The following RPAP1 variants were observed in gnomAD, a reference collection of about 807,000 sequenced individuals.
The protein encoded by RPAP1 is RNA polymerase II associated protein 1.
RPAP1 carries 109 observed loss-of-function variants against 142.4 expected under a neutral mutation model. The ratio of observed to expected loss-of-function variants is 0.77; its 90% CI spans 0.66 to 0.90. The LOEUF (loss-of-function observed/expected upper bound fraction) is 0.90, where lower values mean the gene tolerates loss of function less well. RPAP1 is among the 40% of genes least tolerant of loss of function. The pLI is 0.00. For missense variants in RPAP1, 1,546 were observed against 1,751.7 expected (o/e 0.88, Z 2.10); for synonymous variants, 704 against 738.9 (o/e 0.95, Z 0.77).
chr15:41,541,767 A>G (rs1481222676), intron 1 of RPAP1, among the ~76,000 whole-genome samples: 1 of 152,190 alleles, frequency 6.6e-6, no homozygotes, highest in African/African-American at 2.4e-5. Flanking sequence ...GAATGGCGTG[A>G]ACCCGGGAAG....
At chr15:41,531,628 T>TATATACATATATATATATATA (rs1221224553) in intron 6 of RPAP1, among the ~76,000 whole-genome samples, 1 of 20,536 alleles carries the variant, frequency 4.9e-5, no homozygotes, top group African/African-American at 1.7e-4. Context: ...TATATATATA[T>TATATACATATATATATATATA]TTTTTTTTTT....
At chr15:41,533,147 C>T (rs2051871656) in intron 6 of RPAP1, among the ~76,000 whole-genome samples, 1 of 152,064 alleles carries the variant, frequency 6.6e-6, no homozygotes. Context: ...CCACCTACCT[C>T]ACAGGACAAG....
rs962257207 is a variant in RPAP1 at position 41,527,867 on chromosome 15, C to A, written c.1421G>T (p.Gly474Val). The change falls in exon 11 of 25, where the codon GGA (glycine) becomes GTA (valine). Residue 474 changes from glycine to valine, a missense_variant. This residue lies in a region of RPAP1 where 1,333 missense variants were observed against 1,486.6 expected (regional missense o/e 0.90). Coordinates refer to ENST00000304330, the MANE Select transcript of RPAP1 (RefSeq NM_015540.4). ...TTCCTATCCCTGTGGTACCTCATCTCCAGGAGCCACCAGCAGAGCCCGAAG... is the reference window on the plus strand; with the variant it reads ...TTCCTATCCCTGTGGTACCTCATCTACAGGAGCCACCAGCAGAGCCCGAAG... The part of the protein sequence containing the change: ...RALRALLVAP[G>V]DEELLDSTFS... 19 of 1,613,936 alleles carry A rather than the reference C, an allele frequency of 1.2e-5. No homozygotes were observed.
At position 41,536,993 on chromosome 15, in the gene RPAP1, A is replaced by G; in HGVS notation, c.133T>C (p.Ser45Pro). The change falls in exon 2 of 25, where the codon TCA becomes CCA. Residue 45 changes from serine (S) to proline (P), a missense_variant. Coordinates refer to ENST00000304330, the MANE Select transcript of RPAP1 (RefSeq NM_015540.4). ...KGNRGGGDAN[S>P]DRPPLQDHRD... Reference sequence around the variant, plus strand: ...TGGTCCTGGAGCGGAGGCCGGTCTGAGTTGGCATCACCACCGCCCCTATTT... The same window carrying G: ...TGGTCCTGGAGCGGAGGCCGGTCTGGGTTGGCATCACCACCGCCCCTATTT... 1 of 1,614,056 alleles carries G rather than the reference A, an allele frequency of 6.2e-7. No individual in the cohort carries two copies.
intron 17 of RPAP1, among the ~76,000 whole-genome samples, 174 bp from the exon 18 acceptor site, chr15:41,523,528 G>C (rs2051754318): frequency 6.6e-6 from 1 of 152,232 alleles, no homozygotes. Flanking sequence ...GCATAAAGAG[G>C]GAGCACACAG....
chr15:41,527,976 G>C lies in RPAP1; in HGVS notation c.1312C>G (p.Leu438Val), dbSNP rs765933150. The C allele has an allele frequency of 6.2e-7, 1 of 1,613,982 alleles. No homozygotes were observed. The highest frequency in any genetic ancestry group is 1.3e-5 in the African/African-American group (1 of 74,940). ...AGGAAGAGGAAACCAGCATCCAAAA[G>C]GAGGCTTAAGACACTGCCTGCTAGC... is the stretch of plus-strand genomic sequence containing the variant. The part of the protein sequence containing the change: ...DRLAGSVLSL[L>V]LDAGFLFLLR... Residue 438 changes from leucine to valine, a missense_variant, in exon 11 of 25, where the codon CTT becomes GTT. Physicochemically the swap from Leu to Val is conservative, Grantham distance 32 (BLOSUM62 1). This residue lies in a region of RPAP1 where 1,333 missense variants were observed against 1,486.6 expected (regional missense o/e 0.90). Coordinates refer to ENST00000304330, the MANE Select transcript of RPAP1 (RefSeq NM_015540.4).
At chr15:41,518,349 G>C (rs898163480) in intron 22 of RPAP1, 167 bp from the exon 23 acceptor site, 2 of 559,006 alleles carry the variant, frequency 3.6e-6, no homozygotes, top group Admixed American at 7.5e-5. Context: ...CTACAGAGCA[G>C]ATGTTGGGGA....
chr15:41,519,383 A>G (rs769426626), intron 22 of RPAP1, among the ~76,000 whole-genome samples: 5 of 148,436 alleles, frequency 3.4e-5, no homozygotes, highest in Non-Finnish European at 6.0e-5. Flanking sequence ...AATTTTTTGT[A>G]TTTTTTTTTA....
intron 18 of RPAP1, 114 bp from the exon 19 acceptor site, chr15:41,523,074 G>T: frequency 9.9e-7 from 1 of 1,007,432 alleles, no homozygotes; most frequent in Non-Finnish European, 1.4e-6. Context: ...GGAGGTCAGT[G>T]CTGCTCACAC....
chr15:41,537,078 G>C lies in RPAP1; in HGVS notation c.48C>G (p.His16Gln). 3 of 1,614,176 alleles carry C rather than the reference G, an allele frequency of 1.9e-6. No individual in the cohort carries two copies. The highest frequency in any genetic ancestry group is 2.5e-6 in the Non-Finnish European group (3 of 1,180,026). Reference sequence around the variant, plus strand: ...CAGCTGCGAGAAACTGACTCTGGAAGTGCAGCAGGTCCACCTCGGACTCCC... The same window carrying C: ...CAGCTGCGAGAAACTGACTCTGGAACTGCAGCAGGTCCACCTCGGACTCCC... ...KPGESEVDLL[H>Q]FQSQFLAAGA... Residue 16 changes from histidine (H) to glutamine (Q), a missense_variant, in exon 2 of 25, where the codon CAC (histidine) becomes CAG (glutamine). His to Gln is a conservative substitution (Grantham distance 24). Transcript: ENST00000304330.
Position 41,527,020 on chromosome 15 carries a change from G to C in RPAP1, c.1795C>G (p.Pro599Ala), listed in dbSNP as rs2051798850. ...GCCCCCACAGGAGACCAACTGGTGG[G>C]CAAGAACTCTCGAACTATAGTCTCT... ...LIETIVREFLPTSWSPVGAGP... is the reference protein window; with the variant it reads ...LIETIVREFLATSWSPVGAGP... Residue 599 changes from proline (P) to alanine (A), a missense_variant, in exon 14 of 25, where the codon CCC becomes GCC. Physicochemically the swap from Pro to Ala is conservative, Grantham distance 27. This residue lies in a region of RPAP1 where 1,333 missense variants were observed against 1,486.6 expected (regional missense o/e 0.90). Coordinates refer to ENST00000304330, the MANE Select transcript of RPAP1 (RefSeq NM_015540.4). The C allele has an allele frequency of 6.2e-7, 1 of 1,614,236 alleles. No homozygotes were observed.
intron 2 of RPAP1, 119 bp downstream of exon 2, chr15:41,536,826 A>C: frequency 2.2e-6 from 3 of 1,395,264 alleles, no homozygotes; most frequent in Non-Finnish European, 2.0e-6. Flanking sequence ...CTGCAGAAAC[A>C]CAGGCTATGC....
intron 7 of RPAP1, among the ~76,000 whole-genome samples, chr15:41,530,615 T>C (rs1056990500): frequency 2.0e-5 from 3 of 152,224 alleles, no homozygotes; most frequent in African/African-American, 7.2e-5. Flanking sequence ...ATAAGATCTT[T>C]GTCAGATTCT....
chr15:41,529,643 C>T (rs966619757), intron 8 of RPAP1, 75 bp from the exon 9 acceptor site: 30 of 1,139,514 alleles, frequency 2.6e-5, no homozygotes, highest in Non-Finnish European at 3.9e-5. Context: ...ACCTTTAATC[C>T]CAGGCCTTTC....
chr15:41,528,969 G>A (rs1042126655), intron 9 of RPAP1, among the ~76,000 whole-genome samples: 2 of 152,138 alleles, frequency 1.3e-5, no homozygotes, highest in African/African-American at 2.4e-5. Context: ...CAAGGCCACA[G>A]TGCAGGAGGC....
chr15:41,540,220 T>C (rs1166791182), intron 1 of RPAP1, among the ~76,000 whole-genome samples: 1 of 152,160 alleles, frequency 6.6e-6, no homozygotes, highest in Non-Finnish European at 1.5e-5. Context: ...GAGCACTTAG[T>C]ATGCACCACA....
rs765586157 is a variant in RPAP1 at position 41,520,656 on chromosome 15, T to A, written c.3530A>T (p.His1177Leu). 5 of 1,614,026 alleles carry A rather than the reference T, an allele frequency of 3.1e-6. No individual in the cohort carries two copies. In the African/African-American group the frequency reaches 5.3e-5, roughly 17 times the overall value. The change falls in exon 22 of 25, where the codon CAT becomes CTT. Residue 1177 changes from histidine (H) to leucine (L), a missense_variant. This residue lies in a region of RPAP1 where 1,333 missense variants were observed against 1,486.6 expected (regional missense o/e 0.90). Transcript: ENST00000304330. ...SELFRESPVQ[H>L]LVAALLAQLC... ...CTGGGCGAGGAGGGCTGCCACCAGA[T>A]GCTGTACTGGGGACTCCCGGAACAG...
chr15:41,525,697 C>T (rs942182438), intron 14 of RPAP1, among the ~76,000 whole-genome samples: 1 of 151,714 alleles, frequency 6.6e-6, no homozygotes, highest in African/African-American at 2.4e-5. Context: ...CTCTGTCGCC[C>T]AGGCTGGAGT....
chr15:41,517,552 G>C lies in RPAP1; in HGVS notation c.4172C>G (p.Ser1391Ter). ...TCTATATCAACTATCCTAGGTCTCTGATACCCCATTTTGGAGCACTGTTGA... is the reference window on the plus strand; with the variant it reads ...TCTATATCAACTATCCTAGGTCTCTCATACCCCATTTTGGAGCACTGTTGA... ...LTSTVLQNGVSET is the reference protein window; with the variant it reads ...LTSTVLQNGV Residue 1391 changes from serine (S) to a stop codon, truncating the protein, a stop_gained, in exon 25 of 25, where the codon TCA (serine) becomes TGA (stop). Transcript: ENST00000304330. LOFTEE classifies it high-confidence loss of function. 1 of 1,566,622 alleles carries C rather than the reference G, an allele frequency of 6.4e-7. No individual in the cohort carries two copies. The highest frequency in any genetic ancestry group is 8.6e-7 in the Non-Finnish European group (1 of 1,157,002).
Sources: allele counts gnomAD v4.1 joint callset (sites outside exome capture counted in the v4.1 genomes callset), GRCh38; gene constraint gnomAD v4.1.1; regional missense constraint gnomAD v4.1.1; transcripts MANE v1.5; gene names NCBI Gene and HGNC (gene_info 2026-07-23, HGNC 2026-07-21).